SPATS1: variants seen among roughly 807,000 people sequenced by gnomAD.
SPATS1 encodes the protein spermatogenesis associated serine rich 1.
A neutral mutation model predicts 33.6 loss-of-function variants in SPATS1; 23 were observed. The ratio of observed to expected loss-of-function variants is 0.68; its 90% CI spans 0.49 to 0.97. The LOEUF (loss-of-function observed/expected upper bound fraction) is 0.97. SPATS1 is among the 50% of genes least tolerant of loss of function. The probability of loss-of-function intolerance (pLI) is 0.00; values close to 1 mark genes in which losing one functional copy is unlikely to be tolerated. For missense variants in SPATS1, 327 were observed against 361.0 expected (o/e 0.91, Z 0.76); for synonymous variants, 131 against 125.6 (o/e 1.04, Z -0.29).
chr6:44,345,567 T>C (rs1787825610), intron 2 of SPATS1, among the ~76,000 whole-genome samples: 1 of 152,176 alleles, frequency 6.6e-6, no homozygotes, highest in African/African-American at 2.4e-5. Context: ...TCAAGTCCTA[T>C]AGTGGCAATA....
At chr6:44,348,856 C>G (rs1368714758) in intron 2 of SPATS1, among the ~76,000 whole-genome samples, 1 of 152,196 alleles carries the variant, frequency 6.6e-6, no homozygotes, top group Non-Finnish European at 1.5e-5. Context: ...AAAATTGGTC[C>G]TGGCGCCACT....
chr6:44,360,583 C>A lies in SPATS1; in HGVS notation c.412+13C>A. The A allele has an allele frequency of 6.2e-7, 1 of 1,613,772 alleles. No individual in the cohort carries two copies. Among genetic ancestry groups the A allele is most frequent in the Non-Finnish European group, 8.5e-7 (1 of 1,179,840 alleles). Reference sequence around the variant, plus strand: ...AAGTTGCAGACGAGTAAGTCACAGACCCTCCTCCACATGCTTCTGTGCCCC... The same window carrying A: ...AAGTTGCAGACGAGTAAGTCACAGAACCTCCTCCACATGCTTCTGTGCCCC... On this transcript the variant is annotated intron_variant, in intron 4 of 8. Coordinates refer to ENST00000674044, the MANE Select transcript of SPATS1 (RefSeq NM_001372081.1).
At position 44,377,200 on chromosome 6, in the gene SPATS1, T is replaced by C. The variant is rs981432307; in HGVS notation, c.*137T>C. The C allele has an allele frequency of 8.8e-5, 96 of 1,097,138 alleles. No individual in the cohort carries two copies. The highest frequency in any genetic ancestry group is 1.2e-4 in the Non-Finnish European group (88 of 751,400). The allele number at this position is 1,097,138 out of a possible 1,614,324, so 68.0% of individuals were successfully genotyped here. A position where few individuals can be genotyped will look rare whatever the true frequency, so the allele number is the denominator to read the frequency against. ...GTGTTGTGCTTTGCTTTTTTAAAAC[T>C]TTATATTTTGAAAACTTTCACATTT... On this transcript the variant is annotated 3_prime_UTR_variant, in exon 9 of 9. Transcript: ENST00000674044.
chr6:44,361,695 A>G, intron 4 of SPATS1, 136 bp from the exon 5 acceptor site: 4 of 1,290,284 alleles, frequency 3.1e-6, no homozygotes, highest in East Asian at 2.3e-5. Context: ...TCTCTGATGT[A>G]GAACCAAGGG....
chr6:44,373,975 T>G (rs1239252253), intron 7 of SPATS1, among the ~76,000 whole-genome samples: 2 of 152,148 alleles, frequency 1.3e-5, no homozygotes, highest in South Asian at 4.1e-4. Flanking sequence ...TGAGTAATCA[T>G]AAAACAATTG....
At position 44,343,264 on chromosome 6, in the gene SPATS1, G is replaced by A. The variant is rs768465282; in HGVS notation, c.139+30G>A. 1.1e-5 allele frequency: 18 copies of A among 1,612,404 alleles called. No homozygotes were observed. In the African/African-American group the frequency reaches 2.1e-4, roughly 19 times the overall value. Reference sequence around the variant, plus strand: ...AGTTCTAAGAAATCCAGGCTGTGGAGTTGGTGGCCACATCCAAGTATACTA... The same window carrying A: ...AGTTCTAAGAAATCCAGGCTGTGGAATTGGTGGCCACATCCAAGTATACTA... On this transcript the variant is annotated intron_variant, in intron 2 of 8. Coordinates refer to ENST00000674044, the MANE Select transcript of SPATS1 (RefSeq NM_001372081.1).
At chr6:44,376,980 G>C (rs963758529) in intron 8 of SPATS1, 55 bp from the exon 9 acceptor site, 1 of 1,606,846 alleles carries the variant, frequency 6.2e-7, no homozygotes, top group Non-Finnish European at 8.5e-7. Context: ...TATTGATTGA[G>C]AATTGTTAGT....
chr6:44,362,100 T>C (rs533098299), intron 5 of SPATS1, 108 bp downstream of exon 5: 40 of 1,392,654 alleles, frequency 2.9e-5, no homozygotes, highest in East Asian at 1.8e-4. Flanking sequence ...AGAGTCACCA[T>C]GTTCCCCTAG....
chr6:44,361,800 T>C (rs1788938693), intron 4 of SPATS1, 31 bp from the exon 5 acceptor site: 1 of 1,614,138 alleles, frequency 6.2e-7, no homozygotes, highest in Non-Finnish European at 8.5e-7. Flanking sequence ...CTGGGAACAG[T>C]GCTAATGGAA....
chr6:44,360,509 G>C lies in SPATS1; in HGVS notation c.351G>C (p.Ser117=). ...FSHSDHSSEM[S]LPEVQKDKYP... is the part of the protein sequence containing the mutation. Reference sequence around the variant, plus strand: ...ATTCTGATCACTCCTCTGAAATGTCGTTGCCTGAAGTCCAAAAGGATAAAT... The same window carrying C: ...ATTCTGATCACTCCTCTGAAATGTCCTTGCCTGAAGTCCAAAAGGATAAAT... Residue 117 remains serine, a synonymous_variant, in exon 4 of 9, where the codon TCG becomes TCC. Transcript: ENST00000674044. 1 of 1,614,074 alleles carries C rather than the reference G, an allele frequency of 6.2e-7. No individual in the cohort carries two copies. Among genetic ancestry groups the C allele is most frequent in the Non-Finnish European group, 8.5e-7 (1 of 1,180,020 alleles).
intron 2 of SPATS1, among the ~76,000 whole-genome samples, chr6:44,348,829 T>A (rs1420303542): frequency 6.6e-6 from 1 of 152,124 alleles, no homozygotes; most frequent in Non-Finnish European, 1.5e-5. Flanking sequence ...TGAAACCTCA[T>A]CTCTACTAAA....
At chr6:44,342,897 C>T in intron 1 of SPATS1, 129 bp downstream of exon 1, 1 of 1,271,688 alleles carries the variant, frequency 7.9e-7, no homozygotes, top group Non-Finnish European at 1.1e-6. Flanking sequence ...GGGCTGGGGG[C>T]GGACTCGCTG....
intron 7 of SPATS1, among the ~76,000 whole-genome samples, chr6:44,371,887 G>C (rs534526305): frequency 6.6e-6 from 1 of 150,456 alleles, no homozygotes; most frequent in Non-Finnish European, 1.5e-5. Context: ...AGAGCTTGCA[G>C]TGAGCTGAGA....
chr6:44,362,045 C>A, intron 5 of SPATS1, 53 bp downstream of exon 5: 1 of 1,609,082 alleles, frequency 6.2e-7, no homozygotes, highest in South Asian at 1.1e-5. Flanking sequence ...ACTCTCGAGT[C>A]GTGATTCTAT....
chr6:44,356,310 A>G (rs1444551431), intron 3 of SPATS1, among the ~76,000 whole-genome samples: 1 of 152,120 alleles, frequency 6.6e-6, no homozygotes, highest in Admixed American at 6.6e-5. Flanking sequence ...CATCTATATT[A>G]CCATGGTCCC....
intron 3 of SPATS1, among the ~76,000 whole-genome samples, chr6:44,353,389 CTTTTG>C (rs1788359318): frequency 1.3e-5 from 2 of 152,020 alleles, no homozygotes; most frequent in South Asian, 4.2e-4. Context: ...TGTTTTGTTT[CTTTTG>C]TTTGGATAGA....
At chr6:44,368,304 C>T in intron 5 of SPATS1, 75 bp from the exon 6 acceptor site, 1 of 1,442,464 alleles carries the variant, frequency 6.9e-7, no homozygotes, top group Non-Finnish European at 9.5e-7. Context: ...TTTCCATTGT[C>T]ATGCCAATAC....
At chr6:44,360,014 C>A (rs1377857708) in intron 3 of SPATS1, among the ~76,000 whole-genome samples, 1 of 152,184 alleles carries the variant, frequency 6.6e-6, no homozygotes, top group African/African-American at 2.4e-5. Flanking sequence ...CATTCACATG[C>A]AAGTATCTGT....
chr6:44,346,462 T>A (rs1004816613), intron 2 of SPATS1, among the ~76,000 whole-genome samples: 1 of 152,182 alleles, frequency 6.6e-6, no homozygotes, highest in Non-Finnish European at 1.5e-5. Flanking sequence ...CAGGGCTCAC[T>A]GCAGACTCGA....
Sources: gnomAD v4.1 joint callset for allele counts (sites outside exome capture counted in the v4.1 genomes callset) on GRCh38, gnomAD v4.1.1 for gene constraint, MANE v1.5 for transcripts, NCBI Gene and HGNC (gene_info 2026-07-23, HGNC 2026-07-21) for gene names.